DGKQ: variants seen among roughly 807,000 people sequenced by gnomAD.
DGKQ encodes DAG kinase theta.
In DGKQ, 97 loss-of-function variants were observed where a neutral mutation model predicts 104.2. The ratio of observed to expected loss-of-function variants is 0.93; its 90% confidence interval spans 0.79 to 1.10. The LOEUF is 1.10. DGKQ is among the 50% of genes least tolerant of loss of function. The pLI is 0.00. For missense variants in DGKQ, 1,465 were observed against 1,352.1 expected (o/e 1.08, Z -1.31); for synonymous variants, 736 against 595.2 (o/e 1.24, Z -3.44).
At chr4:963,083 C>G (rs1712011582) in intron 16 of DGKQ, 56 bp downstream of exon 16, 10 of 1,541,452 alleles carry the variant, frequency 6.5e-6, no homozygotes, top group Non-Finnish European at 7.9e-6. Flanking sequence ...TGGCAGCCTC[C>G]TGGGGCCCTT....
At position 962,865 on chromosome 4, in the gene DGKQ, C is replaced by A; in HGVS notation, c.1942G>T (p.Gly648Cys). The part of the protein sequence containing the change: ...CFRVLVCGGD[G>C]TVGWVLGALE... ...GCGCCAAGCACCCAGCCCACAGTGC[C>A]ATCGCCACCACACACCAGCACCCGG... Residue 648 changes from glycine (G) to cysteine (C), a missense_variant, in exon 17 of 23, where the codon GGC becomes TGC. Coordinates refer to ENST00000273814, the MANE Select transcript of DGKQ (RefSeq NM_001347.4). 6.2e-7 allele frequency: 1 copy of A among 1,608,662 alleles called. No homozygotes were observed. The highest frequency in any genetic ancestry group is 1.1e-5 in the South Asian group (1 of 90,122).
chr4:965,917 A>G lies in DGKQ; in HGVS notation c.1579+11T>C. ...GTGCCAGCAGCCCACGGCCAGCCAC[A>G]GTGGTCACACCTTTGGTAGCCCCGG... On this transcript the variant is annotated intron_variant, in intron 13 of 22. Coordinates refer to ENST00000273814, the MANE Select transcript of DGKQ (RefSeq NM_001347.4). 4.4e-6 allele frequency: 7 copies of G among 1,586,890 alleles called. No individual in the cohort carries two copies. The highest frequency in any genetic ancestry group is 6.0e-6 in the Non-Finnish European group (7 of 1,163,598).
At position 960,450 on chromosome 4, in the gene DGKQ, G is replaced by A; in HGVS notation, c.*170C>T. 1 of 622,364 alleles carries A rather than the reference G, an allele frequency of 1.6e-6. No individual in the cohort carries two copies. The highest frequency in any genetic ancestry group is 2.9e-6 in the Non-Finnish European group (1 of 349,262). The allele number at this position is 622,364 out of a possible 1,614,324, so 38.6% of individuals were successfully genotyped here. A position where few individuals can be genotyped will look rare whatever the true frequency, so the allele number is the denominator to read the frequency against. On this transcript the variant is annotated 3_prime_UTR_variant, in exon 23 of 23. Transcript: ENST00000273814. ...TGACACCAACATGTGTCACCAATGG[G>A]ATGAGGGCGGGTCCCGCTCCGTCAC...
intron 2 of DGKQ, among the ~76,000 whole-genome samples, chr4:970,645 C>T (rs558743648): frequency 2.6e-5 from 4 of 152,284 alleles, no homozygotes; most frequent in South Asian, 4.1e-4. Flanking sequence ...CGCCAGATGC[C>T]GAAATCTCCA....
Position 965,050 on chromosome 4 carries a change from A to C in DGKQ, c.1734+126T>G, listed in dbSNP as rs1712194372. Reference sequence around the variant, plus strand: ...AGGTGGCACCTACAAGCCCCCAGTGAATTCAAGGAAGTGATGCCAGATGAA... The same window carrying C: ...AGGTGGCACCTACAAGCCCCCAGTGCATTCAAGGAAGTGATGCCAGATGAA... On this transcript the variant is annotated intron_variant, in intron 15 of 22. Transcript: ENST00000273814. The C allele has an allele frequency of 1.3e-5, 9 of 707,476 alleles. No individual in the cohort carries two copies. In the South Asian group the frequency reaches 1.5e-4, roughly 12 times the overall value. The allele number at this position is 707,476 out of a possible 1,614,324, so 43.8% of individuals were successfully genotyped here. A position where few individuals can be genotyped will look rare whatever the true frequency, so the allele number is the denominator to read the frequency against.
rs1051014035 is a variant in DGKQ at position 971,370 on chromosome 4, G to C, written c.272-298C>G. Among the ~76,000 whole-genome samples the C allele has an allele frequency of 1.3e-5, 2 of 152,238 alleles. No homozygotes were observed. The highest frequency in any genetic ancestry group is 2.9e-5 in the Non-Finnish European group (2 of 68,038). ...GCCCAGCACTCCTCCTGCCTCTGCAGTTGGGCCTCTCAAGGGGCAGCCCTG... is the reference window on the plus strand; with the variant it reads ...GCCCAGCACTCCTCCTGCCTCTGCACTTGGGCCTCTCAAGGGGCAGCCCTG... On this transcript the variant is annotated intron_variant, in intron 1 of 22. Coordinates refer to ENST00000273814, the MANE Select transcript of DGKQ (RefSeq NM_001347.4). This position sits in a 1 kb window ranked among gnomAD's most constrained non-coding sequence, Gnocchi z 4.0.
In DGKQ at chr4:973,471, C is replaced by T. The variant is rs1323029374; in HGVS notation, c.12G>A (p.Ala4=). MAA[A]AEPGARAWLG... ...GCCAGGCGCGGGCCCCGGGCTCGGC[C>T]GCCGCCGCCATTCCCGGCCCGAGCG... The change falls in exon 1 of 23, where the codon GCG becomes GCA. Residue 4 remains alanine, a synonymous_variant. Transcript: ENST00000273814. 2.0e-6 allele frequency: 2 copies of T among 986,692 alleles called. No individual in the cohort carries two copies. The highest frequency in any genetic ancestry group is 4.7e-5 in the South Asian group (1 of 21,346). 61.1% of individuals were successfully genotyped at this position (986,692 alleles called of 1,614,324 possible). A position where few individuals can be genotyped will look rare whatever the true frequency, so the allele number is the denominator to read the frequency against.
chr4:967,082 TC>T lies in DGKQ; in HGVS notation c.1221-29del, dbSNP rs1213192427. 3.9e-6 allele frequency: 6 copies of T among 1,542,444 alleles called. No individual in the cohort carries two copies. In the African/African-American group the frequency reaches 4.1e-5, roughly 11 times the overall value. On this transcript the variant is annotated intron_variant, in intron 9 of 22. Coordinates refer to ENST00000273814, the MANE Select transcript of DGKQ (RefSeq NM_001347.4). Reference sequence around the variant, plus strand: ...GTGGGGACACAGTCTGAGCTGGAGCTCCCCCCACCCCGCCCAGCAGACCCTG... The same window carrying T: ...GTGGGGACACAGTCTGAGCTGGAGCTCCCCCACCCCGCCCAGCAGACCCTG...
chr4:967,704 G>A (rs1476935887), intron 7 of DGKQ, 24 bp downstream of exon 7: 1 of 1,611,610 alleles, frequency 6.2e-7, no homozygotes, highest in Non-Finnish European at 8.5e-7. Context: ...CAGTGGAGTT[G>A]GGGGGAATGA....
At chr4:965,322 C>T (rs761135218) in intron 14 of DGKQ, 31 bp from the exon 15 acceptor site, 2 of 1,600,962 alleles carry the variant, frequency 1.2e-6, no homozygotes, top group Admixed American at 1.7e-5. Flanking sequence ...TCAGGGGGAG[C>T]CTGTCCCATG....
chr4:965,073 G>A lies in DGKQ; in HGVS notation c.1734+103C>T, dbSNP rs1712195975. ...TGAATTCAAGGAAGTGATGCCAGAT[G>A]AAAACAGCGAGTCTGGCTGTGGGGC... On this transcript the variant is annotated intron_variant, in intron 15 of 22. Coordinates refer to ENST00000273814, the MANE Select transcript of DGKQ (RefSeq NM_001347.4). 6 of 853,318 alleles carry A rather than the reference G, an allele frequency of 7.0e-6. No individual in the cohort carries two copies. The South Asian group carries it at 9.1e-5, about 13-fold the overall frequency. The allele number at this position is 853,318 out of a possible 1,614,324, so 52.9% of individuals were successfully genotyped here.
chr4:960,787 C>T (rs926632364), intron 22 of DGKQ, 66 bp from the exon 23 acceptor site: 2 of 1,574,996 alleles, frequency 1.3e-6, no homozygotes, highest in African/African-American at 1.3e-5. Context: ...ACACGGGCAG[C>T]CCCCGGTCCT....
rs921201215 is a variant in DGKQ at position 968,321 on chromosome 4, G to A, written c.624C>T (p.Asp208=). Residue 208 remains aspartate (D), a synonymous_variant, in exon 5 of 23, where the codon GAC becomes GAT. Transcript: ENST00000273814. ...EVCRKTCGSS[D]VLAGVRCEWC... is the part of the protein sequence containing the mutation. ...ACTCGCAGCGCACGCCGGCCAGCAC[G>A]TCAGAGGAGCCGCACGTCTTCCTGC... 25 of 1,171,552 alleles carry A rather than the reference G, an allele frequency of 2.1e-5. No individual in the cohort carries two copies. The East Asian group carries it at 5.2e-4, about 24-fold the overall frequency. 72.6% of individuals were successfully genotyped at this position (1,171,552 alleles called of 1,614,324 possible).
At chr4:972,950 G>A (rs1206939633) in intron 1 of DGKQ, among the ~76,000 whole-genome samples, 4 of 152,170 alleles carry the variant, frequency 2.6e-5, no homozygotes, top group Admixed American at 2.6e-4. Flanking sequence ...GGTCCCGCTC[G>A]CATCAGGCAC....
At position 961,204 on chromosome 4, in the gene DGKQ, G is replaced by A. The variant is rs775962169; in HGVS notation, c.2575-3C>T. On this transcript the variant is annotated splice_region_variant and splice_polypyrimidine_tract_variant and intron_variant, in intron 21 of 22. Coordinates refer to ENST00000273814, the MANE Select transcript of DGKQ (RefSeq NM_001347.4). Reference sequence around the variant, plus strand: ...CGCAGCCCACCCTGGACCTGGCCCTGGGGCGGGAGAGGCCAGCCGGGCTCA... The same window carrying A: ...CGCAGCCCACCCTGGACCTGGCCCTAGGGCGGGAGAGGCCAGCCGGGCTCA... 6.5e-7 allele frequency: 1 copy of A among 1,548,044 alleles called. No homozygotes were observed. The highest frequency in any genetic ancestry group is 8.7e-7 in the Non-Finnish European group (1 of 1,148,862).
chr4:971,211 C>A lies in DGKQ; in HGVS notation c.272-139G>T, dbSNP rs1048737123. ...GCCCTGTGGTCCTCGAGTTCCCCCA[C>A]CACCCTGCCCACTCATTGGAGAGAG... On this transcript the variant is annotated intron_variant, in intron 1 of 22. Transcript: ENST00000273814. This position sits in a 1 kb window ranked among gnomAD's most constrained non-coding sequence, Gnocchi z 4.0. 1.9e-5 allele frequency: 12 copies of A among 624,214 alleles called. No homozygotes were observed. The highest frequency in any genetic ancestry group is 3.6e-5 in the African/African-American group (2 of 54,948). 38.7% of individuals were successfully genotyped at this position (624,214 alleles called of 1,614,324 possible).
chr4:964,653 G>A (rs941003615), intron 15 of DGKQ, among the ~76,000 whole-genome samples: 3 of 152,144 alleles, frequency 2.0e-5, no homozygotes, highest in Non-Finnish European at 4.4e-5. Context: ...CAAAGTTTGG[G>A]AGCTGCACTG....
In DGKQ at chr4:971,490, A is replaced by G. The variant is rs891626405; in HGVS notation, c.272-418T>C. Among the ~76,000 whole-genome samples the G allele has an allele frequency of 1.3e-5, 2 of 152,176 alleles. No homozygotes were observed. The highest frequency in any genetic ancestry group is 2.4e-5 in the African/African-American group (1 of 41,446). The stretch of plus-strand genomic sequence containing the variant: ...GTGTCTCACTCCCCCGAAACTACGC[A>G]TACCCCTAATTGTCCCTGCTACGTG... On this transcript the variant is annotated intron_variant, in intron 1 of 22. Coordinates refer to ENST00000273814, the MANE Select transcript of DGKQ (RefSeq NM_001347.4). The surrounding 1 kb of genome is among the most constrained non-coding windows in gnomAD (Gnocchi z 4.0).
Position 967,885 on chromosome 4 carries a change from T to TCCGCGG in DGKQ, c.800_805dup (p.Ala267_Ala268dup). 2 of 1,448,080 alleles carry TCCGCGG rather than the reference T, an allele frequency of 1.4e-6. No individual in the cohort carries two copies. The highest frequency in any genetic ancestry group is 1.8e-6 in the Non-Finnish European group (2 of 1,107,774). The allele number at this position is 1,448,080 out of a possible 1,614,324, so 89.7% of individuals were successfully genotyped here. A position where few individuals can be genotyped will look rare whatever the true frequency, so the allele number is the denominator to read the frequency against. ...CCGGCCGGCCCGCACCTCACCCGGC[T>TCCGCGG]CCGCGGCCTCCACGATGCGGAAGCT... On this transcript the variant is annotated inframe_insertion, in exon 6 of 23. Coordinates refer to ENST00000273814, the MANE Select transcript of DGKQ (RefSeq NM_001347.4).
Sources: allele counts gnomAD v4.1 joint callset (sites outside exome capture counted in the v4.1 genomes callset), GRCh38; gene constraint gnomAD v4.1.1; non-coding constraint Gnocchi (gnomAD v3.1); transcripts MANE v1.5; gene names NCBI Gene and HGNC (gene_info 2026-07-23, HGNC 2026-07-21).